Variants in CTNNB1 observed in about 807,000 individuals in gnomAD.
CTNNB1 encodes the protein catenin beta-1.
A neutral mutation model predicts 82.5 loss-of-function variants in CTNNB1; 6 were observed. That is an observed-to-expected ratio of 0.07 (90% CI 0.04 to 0.14). CTNNB1 has a LOEUF of 0.14. Among genes scored for constraint, CTNNB1 ranks in the 10% least tolerant of loss-of-function variants. The pLI, the probability that CTNNB1 is intolerant of heterozygous loss-of-function variation, is 1.00. For missense variants in CTNNB1, 529 were observed against 980.4 expected (o/e 0.54, Z 6.15); for synonymous variants, 312 against 329.7 (o/e 0.95, Z 0.58).
intron 7 of CTNNB1, among the ~76,000 whole-genome samples, chr3:41,227,647 A>G (rs1173727824): frequency 6.6e-6 from 1 of 152,228 alleles, no homozygotes; most frequent in Non-Finnish European, 1.5e-5. Flanking sequence ...AGAGCTGTGA[A>G]TTTATAGGAG....
intron 1 of CTNNB1, among the ~76,000 whole-genome samples, chr3:41,223,728 A>C (rs367988395): frequency 6.6e-6 from 1 of 152,136 alleles, no homozygotes; most frequent in Admixed American, 6.5e-5. Context: ...GGCTTTTATT[A>C]TTACAACTCT....
At chr3:41,205,332 T>A (rs2077625092) in intron 1 of CTNNB1, among the ~76,000 whole-genome samples, 1 of 152,216 alleles carries the variant, frequency 6.6e-6, no homozygotes, top group Admixed American at 6.5e-5. Flanking sequence ...CAAATGGCTT[T>A]TTGGCCAATT....
At position 41,236,005 on chromosome 3, in the gene CTNNB1, TGAGAA is replaced by T. The variant is rs1290157368; in HGVS notation, c.1803+166_1803+170del. 6 of 885,022 alleles carry T rather than the reference TGAGAA, an allele frequency of 6.8e-6. No homozygotes were observed. In the Admixed American group the frequency reaches 7.9e-5, roughly 12 times the overall value. 54.8% of individuals were successfully genotyped at this position (885,022 alleles called of 1,614,324 possible). On this transcript the variant is annotated intron_variant, in intron 11 of 14. Transcript: ENST00000349496. ...GGTCAGTAAGAGAAACATTGAGACT[TGAGAA>T]GAGGGAGGAGATTTCACATTTCACT...
intron 1 of CTNNB1, among the ~76,000 whole-genome samples, chr3:41,203,535 A>T (rs1488557648): frequency 6.6e-6 from 1 of 152,200 alleles, no homozygotes; most frequent in African/African-American, 2.4e-5. Flanking sequence ...TCAGAAAAAA[A>T]TTAATGAAAA....
rs762041266 is a variant in CTNNB1 at position 41,238,088 on chromosome 3, A to T, written c.2137+12A>T. 10 of 1,609,588 alleles carry T rather than the reference A, an allele frequency of 6.2e-6. No homozygotes were observed. Among genetic ancestry groups the T allele is most frequent in the Non-Finnish European group, 7.7e-6 (9 of 1,175,888 alleles). On this transcript the variant is annotated intron_variant, in intron 14 of 14. Transcript: ENST00000349496. ...ATATCGCCAGGATGGTATGTGTCTCATATTTCTCGATTAACTCCAGATCAA... is the reference window on the plus strand; with the variant it reads ...ATATCGCCAGGATGGTATGTGTCTCTTATTTCTCGATTAACTCCAGATCAA...
At chr3:41,215,716 T>C (rs1258503717) in intron 1 of CTNNB1, among the ~76,000 whole-genome samples, 1 of 152,136 alleles carries the variant, frequency 6.6e-6, no homozygotes, top group Non-Finnish European at 1.5e-5. Flanking sequence ...CATTATGGGA[T>C]ATAATTTGGA....
At chr3:41,235,533 C>CT in intron 10 of CTNNB1, 191 bp from the exon 11 acceptor site, 1 of 689,716 alleles carries the variant, frequency 1.4e-6, no homozygotes, top group Non-Finnish European at 2.5e-6. Context: ...AGGGGTGCTG[C>CT]TTTGAATTAG....
At chr3:41,236,802 T>C (rs192140329) in intron 13 of CTNNB1, 93 bp downstream of exon 13, 1 of 1,522,344 alleles carries the variant, frequency 6.6e-7, no homozygotes, top group Admixed American at 1.7e-5. Flanking sequence ...TACACATTCA[T>C]TTGCATTGAT....
rs766515952 is a variant in CTNNB1, at chr3:41,239,127, C to G, written c.2138-7C>G. 5.0e-6 allele frequency: 8 copies of G among 1,613,206 alleles called. No individual in the cohort carries two copies. Among genetic ancestry groups the G allele is most frequent in the African/African-American group, 2.7e-5 (2 of 74,918 alleles). ...TGCCTATTTTGTTGACACCCTGACTCTTCTAGATCCTAGCTATCGTTCTTT... is the reference window on the plus strand; with the variant it reads ...TGCCTATTTTGTTGACACCCTGACTGTTCTAGATCCTAGCTATCGTTCTTT... On this transcript the variant is annotated splice_region_variant and splice_polypyrimidine_tract_variant and intron_variant, in intron 14 of 14. Coordinates refer to ENST00000349496, the MANE Select transcript of CTNNB1 (RefSeq NM_001904.4).
At chr3:41,233,904 A>G (rs1187334066) in intron 9 of CTNNB1, 37 bp downstream of exon 9, 1 of 1,603,622 alleles carries the variant, frequency 6.2e-7, no homozygotes, top group East Asian at 2.2e-5. Flanking sequence ...TTGTTGCAGA[A>G]TTGAAAATGA....
chr3:41,210,463 A>AG (rs1171457646), intron 1 of CTNNB1, among the ~76,000 whole-genome samples: 2 of 152,136 alleles, frequency 1.3e-5, no homozygotes, highest in African/African-American at 4.8e-5. Context: ...TCAAAAAAAA[A>AG]CAAACAAAAA....
At chr3:41,228,003 T>G (rs1478758567) in intron 7 of CTNNB1, among the ~76,000 whole-genome samples, 4 of 152,194 alleles carry the variant, frequency 2.6e-5, no homozygotes, top group East Asian at 1.9e-4. Flanking sequence ...GTTAGTTTGC[T>G]TAGGATAATG....
chr3:41,203,209 ATT>A (rs112495114), intron 1 of CTNNB1, among the ~76,000 whole-genome samples: 2,214 of 146,744 alleles, frequency 0.015, 23 homozygotes, highest in Non-Finnish European at 0.025. Flanking sequence ...AATGCTTGTG[ATT>A]TTTTTTTTTT....
At chr3:41,221,018 A>G (rs1355485909) in intron 1 of CTNNB1, 5 of 152,204 alleles carry the variant, frequency 3.3e-5, no homozygotes, top group African/African-American at 1.2e-4. Flanking sequence ...TTGTAGTTGG[A>G]AAGAGTATTA....
chr3:41,229,636 CAT>C (rs749449747), intron 7 of CTNNB1, among the ~76,000 whole-genome samples: 5 of 152,066 alleles, frequency 3.3e-5, no homozygotes, highest in Non-Finnish European at 7.4e-5. Context: ...GGTATAGAAT[CAT>C]ATTGTTTGCA....
intron 1 of CTNNB1, among the ~76,000 whole-genome samples, chr3:41,209,678 A>G (rs2077732824): frequency 2.0e-5 from 3 of 152,232 alleles, no homozygotes; most frequent in Non-Finnish European, 1.5e-5. Flanking sequence ...GCCAATTACT[A>G]TGATGAATAC....
intron 1 of CTNNB1, among the ~76,000 whole-genome samples, chr3:41,220,130 G>T (rs1168557658): frequency 6.6e-6 from 1 of 151,976 alleles, no homozygotes; most frequent in African/African-American, 2.4e-5. Flanking sequence ...AAGGAAGACA[G>T]TTATGAAGAA....
rs1305741896 is a variant in CTNNB1 at position 41,234,176 on chromosome 3, C to T, written c.1562C>T (p.Pro521Leu). 6.2e-7 allele frequency: 1 copy of T among 1,614,134 alleles called. No individual in the cohort carries two copies. Among genetic ancestry groups the T allele is most frequent in the South Asian group, 1.1e-5 (1 of 91,074 alleles). The change falls in exon 10 of 15, where the codon CCC becomes CTC. Residue 521 changes from proline (P) to leucine (L), a missense_variant. By Grantham distance (98) the Pro-to-Leu change is moderately conservative. Coordinates refer to ENST00000349496, the MANE Select transcript of CTNNB1 (RefSeq NM_001904.4). ...TTGATTCGAAATCTTGCCCTTTGTCCCGCAAATCATGCACCTTTGCGTGAG... is the reference window on the plus strand; with the variant it reads ...TTGATTCGAAATCTTGCCCTTTGTCTCGCAAATCATGCACCTTTGCGTGAG... ...VGLIRNLALC[P>L]ANHAPLREQG...
At chr3:41,214,029 AGAAT>A (rs1437421891) in intron 1 of CTNNB1, among the ~76,000 whole-genome samples, 1 of 152,234 alleles carries the variant, frequency 6.6e-6, no homozygotes, top group Non-Finnish European at 1.5e-5. Flanking sequence ...CAAAAGTTTA[AGAAT>A]CTGTGTTGTC....
Sources: gnomAD v4.1 joint callset for allele counts (sites outside exome capture counted in the v4.1 genomes callset) on GRCh38, gnomAD v4.1.1 for gene constraint, MANE v1.5 for transcripts, NCBI Gene and HGNC (gene_info 2026-07-23, HGNC 2026-07-21) for gene names.